The following STX8 variants were observed in gnomAD, a reference collection of about 807,000 sequenced individuals.
STX8 encodes the protein syntaxin-8.
STX8 carries 23 observed loss-of-function variants against 37.5 expected under a neutral mutation model. That is an observed-to-expected ratio of 0.61 (90% CI 0.44 to 0.87). STX8 has a LOEUF of 0.87. Ranked by LOEUF, STX8 falls within the 40% of genes least tolerant of loss-of-function variation. The pLI is 0.00. For synonymous variants in STX8, 115 were observed against 99.1 expected, an observed-to-expected ratio of 1.16 and a Z score of -0.95; for missense variants, 313 against 284.7, an observed-to-expected ratio of 1.10 and a Z score of -0.71.
At chr17:9,255,547 TAAATAA>T (rs1420555059) in intron 7 of STX8, among the ~76,000 whole-genome samples, 3 of 69,510 alleles carry the variant, frequency 4.3e-5, no homozygotes, top group African/African-American at 1.4e-4. Context: ...AATAAATAAA[TAAATAA>T]ATATATAAAT....
intron 7 of STX8, among the ~76,000 whole-genome samples, chr17:9,311,464 A>G (rs1909186064): frequency 6.6e-6 from 1 of 152,232 alleles, no homozygotes; most frequent in African/African-American, 2.4e-5. Flanking sequence ...TAGAAACTGC[A>G]ATATGTAATA....
At chr17:9,497,933 G>C (rs1382273875) in intron 5 of STX8, among the ~76,000 whole-genome samples, 1 of 152,204 alleles carries the variant, frequency 6.6e-6, no homozygotes, top group Non-Finnish European at 1.5e-5. Flanking sequence ...CTGCTAGACA[G>C]AAAGACTCCT....
rs147664582 is a variant in STX8 at position 9,431,427 on chromosome 17, T to TTTG, written c.542-52777_542-52775dup. On this transcript the variant is annotated intron_variant, in intron 6 of 7. Coordinates refer to ENST00000306357, the MANE Select transcript of STX8 (RefSeq NM_004853.3). ...GAGCATCTCATTGGGTAGCAGGGTT[T>TTTG]TTGTTGTTGTTGTTGTTGTTGTTTT... Among the ~76,000 whole-genome samples the TTTG allele has an allele frequency of 5.8e-3, 861 of 148,706 alleles. 7 individuals carry two copies. Among genetic ancestry groups the TTTG allele is most frequent in the African/African-American group, 0.019 (746 of 40,114 alleles).
intron 1 of STX8, among the ~76,000 whole-genome samples, chr17:9,572,612 G>A (rs140029249): frequency 5.8e-4 from 88 of 152,228 alleles, no homozygotes; most frequent in Non-Finnish European, 9.4e-4. Flanking sequence ...GTTTCACCAT[G>A]TTGGTCAGGC....
intron 6 of STX8, among the ~76,000 whole-genome samples, chr17:9,432,442 T>C (rs1352485221): frequency 6.6e-6 from 1 of 152,138 alleles, no homozygotes; most frequent in Non-Finnish European, 1.5e-5. Context: ...AAAAGTAGAA[T>C]TTAACATCTC....
intron 4 of STX8, among the ~76,000 whole-genome samples, chr17:9,517,543 CAGAGACATCCAGT>C (rs1294814533): frequency 2.8e-4 from 42 of 152,064 alleles, no homozygotes; most frequent in African/African-American, 8.9e-4. Flanking sequence ...AAAACTAAGG[CAGAGACATCCAGT>C]GGCTTCCTCA....
chr17:9,572,333 G>T (rs139192425), intron 1 of STX8, among the ~76,000 whole-genome samples: 1 of 152,156 alleles, frequency 6.6e-6, no homozygotes, highest in African/African-American at 2.4e-5. Context: ...ACTGAGGGAG[G>T]TGCCAATGAC....
At chr17:9,266,806 A>G (rs1466926468) in intron 7 of STX8, among the ~76,000 whole-genome samples, 1 of 152,150 alleles carries the variant, frequency 6.6e-6, no homozygotes, top group Non-Finnish European at 1.5e-5. Flanking sequence ...GTGGGAGAAA[A>G]GAAAAATAAG....
intron 6 of STX8, among the ~76,000 whole-genome samples, chr17:9,388,827 A>C (rs1381664136): frequency 1.3e-5 from 2 of 151,568 alleles, no homozygotes; most frequent in Non-Finnish European, 2.9e-5. Flanking sequence ...AAAAAAAAAA[A>C]AACCATACAT....
At chr17:9,321,335 G>C (rs1909570089) in intron 7 of STX8, among the ~76,000 whole-genome samples, 1 of 151,900 alleles carries the variant, frequency 6.6e-6, no homozygotes, top group South Asian at 2.1e-4. Flanking sequence ...TTCGAGATCA[G>C]CCTGGCCAAC....
At chr17:9,459,870 A>G (rs1425447687) in intron 6 of STX8, among the ~76,000 whole-genome samples, 1 of 152,206 alleles carries the variant, frequency 6.6e-6, no homozygotes, top group Non-Finnish European at 1.5e-5. Flanking sequence ...GCTTTCTACC[A>G]CATTCTTCAA....
At chr17:9,386,569 TGGCAGGCGGGCA>T (rs1458270262) in intron 6 of STX8, among the ~76,000 whole-genome samples, 3 of 151,584 alleles carry the variant, frequency 2.0e-5, no homozygotes, top group Non-Finnish European at 4.4e-5. Flanking sequence ...GGGAGGGAGC[TGGCAGGCGGGCA>T]GGCAGGCAGG....
intron 7 of STX8, among the ~76,000 whole-genome samples, chr17:9,362,735 T>C (rs781570349): frequency 1.3e-4 from 20 of 150,742 alleles, no homozygotes; most frequent in Non-Finnish European, 2.9e-4. Flanking sequence ...GGCAGGAGAA[T>C]GGCGTGAACT....
At chr17:9,557,221 A>C (rs1567609233) in intron 3 of STX8, 1 of 487,604 alleles carries the variant, frequency 2.1e-6, no homozygotes, top group Non-Finnish European at 3.7e-6. Flanking sequence ...CAAATAAGTT[A>C]ATTCCCTCGG....
intron 7 of STX8, among the ~76,000 whole-genome samples, chr17:9,267,612 C>CTG (rs1318774959): frequency 6.6e-6 from 1 of 152,214 alleles, no homozygotes; most frequent in Non-Finnish European, 1.5e-5. Context: ...CTAGCTCACT[C>CTG]TACAGACTCT....
chr17:9,299,186 C>T (rs1051989982), intron 7 of STX8, among the ~76,000 whole-genome samples: 5 of 152,142 alleles, frequency 3.3e-5, no homozygotes, highest in African/African-American at 7.2e-5. Flanking sequence ...CACACACTCA[C>T]GCAGGCACAG....
At chr17:9,518,592 G>T (rs540770205) in intron 4 of STX8, among the ~76,000 whole-genome samples, 1 of 152,316 alleles carries the variant, frequency 6.6e-6, no homozygotes, top group African/African-American at 2.4e-5. Context: ...CTAGCAGCCA[G>T]GCGTGGTGGC....
chr17:9,290,582 G>A (rs888431753), intron 7 of STX8, among the ~76,000 whole-genome samples: 3 of 152,252 alleles, frequency 2.0e-5, no homozygotes, highest in South Asian at 2.1e-4. Context: ...CCTTCCCAAC[G>A]GGAGAAAAAT....
intron 7 of STX8, among the ~76,000 whole-genome samples, chr17:9,329,837 G>C (rs1438826991): frequency 2.6e-5 from 4 of 152,168 alleles, no homozygotes; most frequent in Non-Finnish European, 5.9e-5. Context: ...TAAGGCAGCT[G>C]TCATTTATTT....
Sources: gnomAD v4.1 joint callset for allele counts (sites outside exome capture counted in the v4.1 genomes callset) on GRCh38, gnomAD v4.1.1 for gene constraint, MANE v1.5 for transcripts, NCBI Gene and HGNC (gene_info 2026-07-23, HGNC 2026-07-21) for gene names.